Variants in PPFIA2 observed in about 807,000 individuals in gnomAD.
The protein encoded by PPFIA2 is PPFI scaffold protein A2.
A neutral mutation model predicts 175.5 loss-of-function variants in PPFIA2; 46 were observed. The ratio of observed to expected loss-of-function variants is 0.26; its 90% CI spans 0.21 to 0.34. The LOEUF (loss-of-function observed/expected upper bound fraction) is 0.34. PPFIA2 is among the 10% of genes least tolerant of loss of function. The probability of loss-of-function intolerance (pLI) is 1.00; values close to 1 mark genes in which losing one functional copy is unlikely to be tolerated. For synonymous variants in PPFIA2, 568 were observed against 511.4 expected (o/e 1.11, Z -1.49); for missense variants, 1,179 against 1,506.1 (o/e 0.78, Z 3.60).
intron 15 of PPFIA2, among the ~76,000 whole-genome samples, chr12:81,362,403 A>G (rs2031153437): frequency 6.6e-6 from 1 of 151,030 alleles, no homozygotes; most frequent in African/African-American, 2.4e-5. Flanking sequence ...CTCCCTGTAC[A>G]CAGTTCAATT....
intron 3 of PPFIA2, among the ~76,000 whole-genome samples, chr12:81,732,042 T>G (rs890228071): frequency 4.0e-5 from 6 of 151,570 alleles, no homozygotes; most frequent in Non-Finnish European, 8.9e-5. Flanking sequence ...GAAACACATG[T>G]GAATATAACA....
chr12:81,726,833 G>T (rs532257578), intron 3 of PPFIA2, among the ~76,000 whole-genome samples: 3 of 151,274 alleles, frequency 2.0e-5, no homozygotes, highest in Non-Finnish European at 4.4e-5. Flanking sequence ...CCAACAGAAT[G>T]TAAGTAGAAG....
intron 4 of PPFIA2, among the ~76,000 whole-genome samples, chr12:81,576,394 G>A (rs2073551430): frequency 6.6e-6 from 1 of 151,684 alleles, no homozygotes; most frequent in South Asian, 2.1e-4. Flanking sequence ...CAGTCTTTAT[G>A]TGGGAAACAA....
intron 4 of PPFIA2, among the ~76,000 whole-genome samples, chr12:81,566,818 C>A (rs534043548): frequency 2.0e-5 from 3 of 152,230 alleles, no homozygotes; most frequent in South Asian, 4.1e-4. Flanking sequence ...GCAACTGATG[C>A]CATTCCACTT....
chr12:81,416,258 G>C (rs1191298605), intron 7 of PPFIA2, among the ~76,000 whole-genome samples: 1 of 151,592 alleles, frequency 6.6e-6, no homozygotes, highest in Non-Finnish European at 1.5e-5. Flanking sequence ...TTAGTGGTAG[G>C]AAAACACATT....
chr12:81,480,258 T>C (rs1217998245), intron 4 of PPFIA2, among the ~76,000 whole-genome samples: 1 of 152,118 alleles, frequency 6.6e-6, no homozygotes, highest in African/African-American at 2.4e-5. Flanking sequence ...TTTAGCTCCA[T>C]CAGGTCATTT....
At chr12:81,500,016 T>A (rs1216106448) in intron 4 of PPFIA2, among the ~76,000 whole-genome samples, 3 of 152,068 alleles carry the variant, frequency 2.0e-5, no homozygotes, top group Non-Finnish European at 4.4e-5. Flanking sequence ...CACTGACAAC[T>A]ACTTCAGCCA....
At chr12:81,439,900 G>T in intron 7 of PPFIA2, 72 bp downstream of exon 7, 1 of 1,194,742 alleles carries the variant, frequency 8.4e-7, no homozygotes, top group Non-Finnish European at 1.2e-6. Flanking sequence ...TATAATAAAA[G>T]TGACGTGAAA....
intron 4 of PPFIA2, among the ~76,000 whole-genome samples, chr12:81,534,058 G>C (rs2065033641): frequency 6.6e-6 from 1 of 151,614 alleles, no homozygotes; most frequent in East Asian, 1.9e-4. Context: ...AGTGAAATAA[G>C]CAAGGCACAG....
intron 4 of PPFIA2, among the ~76,000 whole-genome samples, chr12:81,637,236 ATTTTTTTTTTTTTTTT>A (rs71098156): frequency 1.5e-3 from 96 of 65,902 alleles, no homozygotes; most frequent in Admixed American, 2.7e-3. Flanking sequence ...CGCCAGGCTA[ATTTTTTTTTTTTTTTT>A]TTTTTTTTTT....
intron 4 of PPFIA2, among the ~76,000 whole-genome samples, chr12:81,606,885 C>T (rs1270568281): frequency 6.6e-6 from 1 of 152,034 alleles, no homozygotes; most frequent in Non-Finnish European, 1.5e-5. Context: ...AAAATATTTG[C>T]CAATGCCGAT....
At chr12:81,322,755 C>G (rs1326075060) in intron 22 of PPFIA2, among the ~76,000 whole-genome samples, 1 of 152,088 alleles carries the variant, frequency 6.6e-6, no homozygotes, top group Non-Finnish European at 1.5e-5. Context: ...GAAACAACAA[C>G]AGCAACTGTT....
chr12:81,698,056 G>A (rs1272854890), intron 3 of PPFIA2, among the ~76,000 whole-genome samples: 1 of 152,094 alleles, frequency 6.6e-6, no homozygotes, highest in Admixed American at 6.6e-5. Flanking sequence ...ATGGATATAA[G>A]TATTCAAGAA....
intron 3 of PPFIA2, among the ~76,000 whole-genome samples, chr12:81,694,752 G>T (rs569369132): frequency 2.0e-5 from 3 of 152,140 alleles, no homozygotes; most frequent in Non-Finnish European, 4.4e-5. Flanking sequence ...AGATCCACCA[G>T]CAGCTTGCAA....
intron 11 of PPFIA2, among the ~76,000 whole-genome samples, chr12:81,372,735 TA>T (rs1166857299): frequency 2.0e-5 from 3 of 151,302 alleles, no homozygotes; most frequent in Non-Finnish European, 4.4e-5. Context: ...GGTCATAATA[TA>T]AAAAGTATAT....
intron 24 of PPFIA2, among the ~76,000 whole-genome samples, chr12:81,286,317 G>A (rs1245473604): frequency 6.6e-6 from 1 of 151,972 alleles, no homozygotes. Flanking sequence ...GTAGTATAAA[G>A]TATAGTGTTT....
chr12:81,455,340 G>T (rs1457174809), intron 5 of PPFIA2, among the ~76,000 whole-genome samples: 1 of 152,056 alleles, frequency 6.6e-6, no homozygotes, highest in South Asian at 2.1e-4. Context: ...GTACAAGGGG[G>T]TTTTCATAAA....
At chr12:81,407,031 C>T (rs2043059546) in intron 7 of PPFIA2, among the ~76,000 whole-genome samples, 1 of 152,106 alleles carries the variant, frequency 6.6e-6, no homozygotes, top group Non-Finnish European at 1.5e-5. Flanking sequence ...TTGGTATATC[C>T]TTCTCTAGGT....
intron 22 of PPFIA2, among the ~76,000 whole-genome samples, chr12:81,322,610 C>G (rs1187901272): frequency 1.3e-5 from 2 of 152,210 alleles, no homozygotes; most frequent in South Asian, 2.1e-4. Context: ...TAACTATACT[C>G]TACATAAACC....
Sources: gnomAD v4.1 joint callset for allele counts (sites outside exome capture counted in the v4.1 genomes callset) on GRCh38, gnomAD v4.1.1 for gene constraint, MANE v1.5 for transcripts, NCBI Gene and HGNC (gene_info 2026-07-23, HGNC 2026-07-21) for gene names.